The following RBL1 variants were observed in gnomAD, a reference collection of about 807,000 sequenced individuals.
RBL1 encodes RB transcriptional corepressor like 1.
Under a neutral mutation model 123.0 loss-of-function variants are expected in RBL1, and 82 were observed. That is an observed-to-expected ratio of 0.67 (90% CI 0.56 to 0.80). The LOEUF (loss-of-function observed/expected upper bound fraction) is 0.80, where lower values mean the gene tolerates loss of function less well. Ranked by LOEUF, RBL1 falls within the 30% of genes least tolerant of loss-of-function variation. The pLI is 0.00. For synonymous variants in RBL1, 405 were observed against 441.3 expected, an observed-to-expected ratio of 0.92 and a Z score of 1.03; for missense variants, 1,171 against 1,299.6, an observed-to-expected ratio of 0.90 and a Z score of 1.52.
chr20:37,063,828 GTT>G (rs199725710), intron 7 of RBL1, among the ~76,000 whole-genome samples: 1 of 136,302 alleles, frequency 7.3e-6, no homozygotes. Flanking sequence ...TTTTTTTCTT[GTT>G]TTTTTTTTTG....
At chr20:37,017,620 T>TG (rs1600471145) in intron 19 of RBL1, among the ~76,000 whole-genome samples, 2 of 139,722 alleles carry the variant, frequency 1.4e-5, no homozygotes, top group Admixed American at 7.2e-5. Flanking sequence ...GGACATTTTC[T>TG]TGTGTGTGTG....
rs2064695141 is a variant in RBL1 at position 37,040,091 on chromosome 20, C to T, written c.1903+62G>A. 7 of 1,593,942 alleles carry T rather than the reference C, an allele frequency of 4.4e-6. No individual in the cohort carries two copies. In the Admixed American group the frequency reaches 1.1e-4, roughly 25 times the overall value. ...ACATACTCACAAGACTTAAAATTTT[C>T]CCTGAAAAAAAGCCAAATGCCCTTT... On this transcript the variant is annotated intron_variant, in intron 14 of 21. Coordinates refer to ENST00000373664, the MANE Select transcript of RBL1 (RefSeq NM_002895.5).
chr20:37,000,103 T>C (rs150568655), intron 21 of RBL1, among the ~76,000 whole-genome samples: 21,013 of 139,878 alleles, frequency 0.15, 1,742 homozygotes, highest in East Asian at 0.43. Flanking sequence ...TCTGCCCTGC[T>C]GCCCCGTCTG....
At chr20:37,010,516 T>C (rs1016064672) in intron 19 of RBL1, among the ~76,000 whole-genome samples, 1 of 152,184 alleles carries the variant, frequency 6.6e-6, no homozygotes, top group Non-Finnish European at 1.5e-5. Context: ...CAAACCTAGA[T>C]TGTATGGCCA....
intron 13 of RBL1, among the ~76,000 whole-genome samples, chr20:37,041,896 C>T (rs1190331285): frequency 2.6e-5 from 4 of 151,548 alleles, no homozygotes; most frequent in African/African-American, 9.7e-5. Flanking sequence ...CACGGTGAAA[C>T]CCTGCCTCTA....
At position 37,061,085 on chromosome 20, in the gene RBL1, T is replaced by G; in HGVS notation, c.1250+18A>C. On this transcript the variant is annotated intron_variant, in intron 9 of 21. Transcript: ENST00000373664. The stretch of plus-strand genomic sequence containing the variant: ...AATTTTAAAAAGACATTTGGAAAAA[T>G]AACAGTATTGTACATACTCAAAAAT... 1 of 1,504,440 alleles carries G rather than the reference T, an allele frequency of 6.6e-7. No homozygotes were observed. The highest frequency in any genetic ancestry group is 8.9e-7 in the Non-Finnish European group (1 of 1,120,308). The allele number at this position is 1,504,440 out of a possible 1,614,324, so 93.2% of individuals were successfully genotyped here. A position where few individuals can be genotyped will look rare whatever the true frequency, so the allele number is the denominator to read the frequency against.
Position 37,095,939 on chromosome 20 carries a change from C to A in RBL1, c.-11G>T, listed in dbSNP as rs1319639024. ...CTTGTCCTCGAACATCCCTTCAGGC[C>A]CCGCGGGCTGCGCGCCACGGCCCCC... On this transcript the variant is annotated 5_prime_UTR_variant, in exon 1 of 22. Coordinates refer to ENST00000373664, the MANE Select transcript of RBL1 (RefSeq NM_002895.5). The A allele has an allele frequency of 6.5e-7, 1 of 1,530,504 alleles. No individual in the cohort carries two copies. Among genetic ancestry groups the A allele is most frequent in the Admixed American group, 1.9e-5 (1 of 51,820 alleles). The allele number at this position is 1,530,504 out of a possible 1,614,324, so 94.8% of individuals were successfully genotyped here.
intron 16 of RBL1, among the ~76,000 whole-genome samples, chr20:37,030,686 C>G (rs1019180982): frequency 6.6e-6 from 1 of 151,876 alleles, no homozygotes; most frequent in Non-Finnish European, 1.5e-5. Flanking sequence ...GAAACCTCGT[C>G]TCTACTAAAA....
chr20:37,068,424 C>T (rs995811776), intron 2 of RBL1, among the ~76,000 whole-genome samples: 4 of 151,812 alleles, frequency 2.6e-5, no homozygotes, highest in Non-Finnish European at 5.9e-5. Context: ...CCCAGGATGT[C>T]GAGACTGCAG....
chr20:37,093,735 G>A (rs916713116), intron 1 of RBL1, among the ~76,000 whole-genome samples: 2 of 150,974 alleles, frequency 1.3e-5, no homozygotes, highest in Non-Finnish European at 2.9e-5. Context: ...TCTACCTCCT[G>A]GTTTCAAGAG....
Position 37,018,244 on chromosome 20 carries a change from G to A in RBL1, c.2722+35C>T, listed in dbSNP as rs761138847. 6 of 1,576,490 alleles carry A rather than the reference G, an allele frequency of 3.8e-6. No homozygotes were observed. The Middle Eastern group carries it at 5.1e-4, about 135-fold the overall frequency. On this transcript the variant is annotated intron_variant, in intron 19 of 21. Coordinates refer to ENST00000373664, the MANE Select transcript of RBL1 (RefSeq NM_002895.5). ...TATTATGTACAGTGTGATCCAATGT[G>A]TTTTACATATAATATGTTAAATTGG...
At chr20:37,081,801 C>T in intron 2 of RBL1, 1 of 331,264 alleles carries the variant, frequency 3.0e-6, no homozygotes, top group South Asian at 2.3e-5. Flanking sequence ...TTAATTCCAG[C>T]TCCATCAAGT....
chr20:37,026,114 T>TA (rs1307617964), intron 16 of RBL1, among the ~76,000 whole-genome samples: 1 of 152,190 alleles, frequency 6.6e-6, no homozygotes, highest in African/African-American at 2.4e-5. Flanking sequence ...ATGTGAAAGA[T>TA]AAATTCTCTT....
Position 37,039,541 on chromosome 20 carries a change from AG to A in RBL1, c.1903+611del, listed in dbSNP as rs2064686396. On this transcript the variant is annotated intron_variant, in intron 14 of 21. Transcript: ENST00000373664. ...TTATCAAGAGGAGTTCCCCTGCACA[AG>A]CTCTCTTGCCTGCTGCCATGTAAGA... 2.0e-5 allele frequency among the ~76,000 whole-genome samples: 3 copies of A among 152,220 alleles called. 1 individual carries two copies. Among genetic ancestry groups the A allele is most frequent in the South Asian group, 2.1e-4 (1 of 4,818 alleles).
At position 37,062,216 on chromosome 20, in the gene RBL1, A is replaced by G; in HGVS notation, c.951T>C (p.Asp317=). The stretch of plus-strand genomic sequence containing the variant: ...CGTCTGCTCCCAAAAAGATCCTCTC[A>G]TCAAAATCACCAACAGTTAGAACAT... ...EEYVLTVGDF[D]ERIFLGADAE... Residue 317 remains aspartate (D), a synonymous_variant, in exon 8 of 22, where the codon GAT becomes GAC. Coordinates refer to ENST00000373664, the MANE Select transcript of RBL1 (RefSeq NM_002895.5). The G allele has an allele frequency of 6.2e-7, 1 of 1,614,192 alleles. No homozygotes were observed. Among genetic ancestry groups the G allele is most frequent in the Non-Finnish European group, 8.5e-7 (1 of 1,180,024 alleles).
chr20:37,061,080 A>G (rs773635147), intron 9 of RBL1, 23 bp downstream of exon 9: 1 of 1,501,330 alleles, frequency 6.7e-7, no homozygotes. Context: ...AGACATTTGG[A>G]AAAATAACAG....
chr20:37,044,779 T>C (rs1264808359), intron 12 of RBL1, among the ~76,000 whole-genome samples: 1 of 152,230 alleles, frequency 6.6e-6, no homozygotes, highest in Admixed American at 6.5e-5. Flanking sequence ...TCACGTTTTA[T>C]ATTATAAATG....
At chr20:37,049,600 T>C (rs1005823675) in intron 11 of RBL1, 12 of 756,718 alleles carry the variant, frequency 1.6e-5, no homozygotes, top group Non-Finnish European at 2.7e-5. Flanking sequence ...TCGTCGAGAG[T>C]GCCCTTCTGA....
intron 7 of RBL1, among the ~76,000 whole-genome samples, chr20:37,062,726 C>A (rs1390510549): frequency 6.7e-6 from 1 of 149,918 alleles, no homozygotes; most frequent in Non-Finnish European, 1.5e-5. Flanking sequence ...GAGGCCGAGG[C>A]GGGCAGATCA....
Sources: allele counts gnomAD v4.1 joint callset (sites outside exome capture counted in the v4.1 genomes callset), GRCh38; gene constraint gnomAD v4.1.1; transcripts MANE v1.5; gene names NCBI Gene and HGNC (gene_info 2026-07-23, HGNC 2026-07-21).